The following RPTOR variants were observed in gnomAD, a reference collection of about 807,000 sequenced individuals.
RPTOR encodes the protein regulatory-associated protein of mTOR.
Under a neutral mutation model 169.9 loss-of-function variants are expected in RPTOR, and 21 were observed. That is an observed-to-expected ratio of 0.12 (90% CI 0.09 to 0.18). RPTOR has a LOEUF of 0.18. RPTOR is among the 10% of genes least tolerant of loss of function. RPTOR has a pLI of 1.00. For missense variants in RPTOR, 1,133 were observed against 1,855.9 expected (o/e 0.61, Z 7.16); for synonymous variants, 732 against 753.2 (o/e 0.97, Z 0.46).
Position 80,844,124 on chromosome 17 carries a change from C to T in RPTOR, c.1213-2349C>T, listed in dbSNP as rs574370215. Among the ~76,000 whole-genome samples the T allele has an allele frequency of 1.8e-4, 27 of 152,256 alleles. No homozygotes were observed. The highest frequency in any genetic ancestry group is 2.9e-4 in the Non-Finnish European group (20 of 68,022). On this transcript the variant is annotated intron_variant, in intron 10 of 33. Coordinates refer to ENST00000306801, the MANE Select transcript of RPTOR (RefSeq NM_020761.3). The surrounding 1 kb of genome is among the most constrained non-coding windows in gnomAD (Gnocchi z 4.7). ...GGCCCAAAACATCAGCCCTGTGAAT[C>T]ATGGGTGGAGACACGGGCCGCTCTC...
rs1478377077 is a variant in RPTOR, at chr17:80,609,783, G to A, written c.163-15908G>A. ...AGTTTAAGGTGTTGGTTGTGTGTGT[G>A]TGTGTGTGTGTGTGTGTGTGTGTGT... On this transcript the variant is annotated intron_variant, in intron 1 of 33. Coordinates refer to ENST00000306801, the MANE Select transcript of RPTOR (RefSeq NM_020761.3). This position sits in a 1 kb window ranked among gnomAD's most constrained non-coding sequence, Gnocchi z 4.8. Among the ~76,000 whole-genome samples the A allele has an allele frequency of 1.3e-5, 2 of 151,438 alleles. No individual in the cohort carries two copies. Among genetic ancestry groups the A allele is most frequent in the Non-Finnish European group, 2.9e-5 (2 of 67,806 alleles).
chr17:80,840,888 G>A (rs2067636306), intron 10 of RPTOR, among the ~76,000 whole-genome samples: 1 of 134,392 alleles, frequency 7.4e-6, no homozygotes, highest in African/African-American at 3.0e-5. Context: ...CCACACGGCA[G>A]CTCACACTCA....
intron 21 of RPTOR, among the ~76,000 whole-genome samples, chr17:80,921,219 A>G (rs2068740883): frequency 6.6e-6 from 1 of 152,256 alleles, no homozygotes; most frequent in Non-Finnish European, 1.5e-5. Context: ...GCGGACCTGA[A>G]GGACAGGGTT....
chr17:80,618,391 A>G (rs1219204234), intron 1 of RPTOR, among the ~76,000 whole-genome samples: 4 of 152,210 alleles, frequency 2.6e-5, no homozygotes, highest in Admixed American at 2.6e-4. Flanking sequence ...TTTTGTATGC[A>G]GTTCTTATTT....
chr17:80,838,687 C>T (rs1044822600), intron 10 of RPTOR, among the ~76,000 whole-genome samples: 1 of 152,174 alleles, frequency 6.6e-6, no homozygotes, highest in African/African-American at 2.4e-5. Flanking sequence ...GCGGCAGACA[C>T]GGGGAGGCCA....
intron 1 of RPTOR, among the ~76,000 whole-genome samples, chr17:80,555,868 T>G (rs1410679984): frequency 1.3e-5 from 2 of 151,396 alleles, no homozygotes; most frequent in Admixed American, 1.3e-4. Flanking sequence ...ATGGATGGAG[T>G]GGGGTGATTG....
chr17:80,939,268 T>C (rs777167529), intron 24 of RPTOR, among the ~76,000 whole-genome samples: 2 of 152,210 alleles, frequency 1.3e-5, no homozygotes, highest in South Asian at 2.1e-4. Context: ...GGAAAGTCAA[T>C]TAAATCCTAG....
chr17:80,801,186 G>A (rs115435175), intron 7 of RPTOR, among the ~76,000 whole-genome samples: 2 of 152,208 alleles, frequency 1.3e-5, no homozygotes, highest in African/African-American at 2.4e-5. Context: ...GTGGCTATCC[G>A]TGCTTCCTGG....
chr17:80,894,927 G>A (rs1025343838), intron 20 of RPTOR, among the ~76,000 whole-genome samples: 4 of 152,216 alleles, frequency 2.6e-5, no homozygotes, highest in African/African-American at 9.6e-5. Context: ...ACCTCCTATT[G>A]GCGCCGTCGC....
intron 2 of RPTOR, among the ~76,000 whole-genome samples, chr17:80,639,788 G>A (rs1438252638): frequency 6.6e-6 from 1 of 152,242 alleles, no homozygotes; most frequent in East Asian, 1.9e-4. Flanking sequence ...CATGTTAGCA[G>A]TGGCTGGTGG....
intron 28 of RPTOR, among the ~76,000 whole-genome samples, chr17:80,956,900 T>G (rs1049166765): frequency 1.3e-5 from 2 of 151,844 alleles, no homozygotes; most frequent in Non-Finnish European, 1.5e-5. Flanking sequence ...AGTGGGCACC[T>G]TAGACAGACG....
intron 24 of RPTOR, 117 bp downstream of exon 24, chr17:80,925,597 T>C: frequency 1.3e-6 from 1 of 787,540 alleles, no homozygotes; most frequent in Non-Finnish European, 2.1e-6. Context: ...GTGGTCGTGG[T>C]AGTGATGGTC....
intron 1 of RPTOR, among the ~76,000 whole-genome samples, chr17:80,590,839 G>A (rs907834693): frequency 6.6e-6 from 1 of 152,022 alleles, no homozygotes; most frequent in Admixed American, 6.5e-5. Context: ...AGTTTGAGGA[G>A]TGTTTTTCTA....
intron 3 of RPTOR, among the ~76,000 whole-genome samples, chr17:80,675,138 T>C (rs533528232): frequency 7.9e-5 from 12 of 152,338 alleles, no homozygotes; most frequent in African/African-American, 2.9e-4. Flanking sequence ...TTGTTTTTTT[T>C]CTTACAAATT....
intron 31 of RPTOR, among the ~76,000 whole-genome samples, chr17:80,962,260 C>G (rs2069353298): frequency 6.6e-6 from 1 of 152,220 alleles, no homozygotes; most frequent in Admixed American, 6.5e-5. Flanking sequence ...ACAGCCTTGG[C>G]CCTGAGACCA....
At chr17:80,831,439 A>T (rs758988815) in intron 9 of RPTOR, among the ~76,000 whole-genome samples, 2 of 152,172 alleles carry the variant, frequency 1.3e-5, no homozygotes, top group Non-Finnish European at 2.9e-5. Context: ...ACTCTTAGAC[A>T]CTCTCACCAC....
intron 7 of RPTOR, among the ~76,000 whole-genome samples, chr17:80,817,629 A>G (rs1438374957): frequency 1.3e-5 from 2 of 151,776 alleles, no homozygotes; most frequent in East Asian, 3.9e-4. Context: ...GGAGCCGGGC[A>G]GGTCCGGGAG....
chr17:80,814,853 C>G (rs924746021), intron 7 of RPTOR, among the ~76,000 whole-genome samples: 1 of 152,192 alleles, frequency 6.6e-6, no homozygotes, highest in African/African-American at 2.4e-5. Context: ...ATCAAAGGAG[C>G]AGCCCCAAGC....
chr17:80,652,378 A>G (rs1310816243), intron 3 of RPTOR, among the ~76,000 whole-genome samples: 3 of 152,098 alleles, frequency 2.0e-5, no homozygotes, highest in African/African-American at 7.2e-5. Context: ...TGTTCTAGGT[A>G]CTCCACACAA....
Sources: allele counts gnomAD v4.1 joint callset (sites outside exome capture counted in the v4.1 genomes callset), GRCh38; gene constraint gnomAD v4.1.1; non-coding constraint Gnocchi (gnomAD v3.1); transcripts MANE v1.5; gene names NCBI Gene and HGNC (gene_info 2026-07-23, HGNC 2026-07-21).